Variants in PDE10A observed in about 807,000 individuals in gnomAD.
The protein encoded by PDE10A is phosphodiesterase 10A.
In PDE10A, 39 loss-of-function variants were observed where a neutral mutation model predicts 97.7. The ratio of observed to expected loss-of-function variants is 0.40; its 90% CI spans 0.31 to 0.52. The LOEUF (loss-of-function observed/expected upper bound fraction) is 0.52. Among genes scored for constraint, PDE10A ranks in the 20% least tolerant of loss-of-function variants. The pLI is 0.56. For missense variants in PDE10A, 731 were observed against 1,047.8 expected (o/e 0.70, Z 4.17); for synonymous variants, 371 against 376.8 (o/e 0.98, Z 0.18).
rs1348127525 is a variant in PDE10A, at chr6:165,819,588, C to A, written c.-615+167941G>T. ...CCTCATCCACTGCCGCGACCCCCAC[C>A]CCGAGTTGCCGGACACAGTCAGGCA... On this transcript the variant is annotated intron_variant, in intron 1 of 19. Transcript: ENST00000366882. The surrounding 1 kb of genome is among the most constrained non-coding windows in gnomAD (Gnocchi z 4.2). 6.6e-6 allele frequency among the ~76,000 whole-genome samples: 1 copy of A among 152,154 alleles called. No homozygotes were observed. The highest frequency in any genetic ancestry group is 1.5e-5 in the Non-Finnish European group (1 of 68,028).
chr6:165,558,656 CTATT>C (rs1448900887), intron 1 of PDE10A, among the ~76,000 whole-genome samples: 1 of 152,122 alleles, frequency 6.6e-6, no homozygotes, highest in African/African-American at 2.4e-5. Context: ...AAGGACATTA[CTATT>C]TATATTTCCC....
At chr6:165,724,340 A>C (rs1792238901) in intron 1 of PDE10A, among the ~76,000 whole-genome samples, 1 of 22,992 alleles carries the variant, frequency 4.3e-5, no homozygotes, top group African/African-American at 2.7e-4. Flanking sequence ...TGAGACTAAG[A>C]AGAGGATCAC....
At chr6:165,527,173 C>T (rs931277616) in intron 2 of PDE10A, among the ~76,000 whole-genome samples, 4 of 152,176 alleles carry the variant, frequency 2.6e-5, no homozygotes, top group African/African-American at 9.7e-5. Context: ...CTGCATTTGG[C>T]CCCTCCTACA....
At chr6:165,722,167 C>T (rs1051416391) in intron 1 of PDE10A, among the ~76,000 whole-genome samples, 10 of 152,200 alleles carry the variant, frequency 6.6e-5, no homozygotes, top group Admixed American at 2.0e-4. Flanking sequence ...ATAAACTTCA[C>T]GGAAATCTAT....
intron 1 of PDE10A, among the ~76,000 whole-genome samples, chr6:165,823,499 T>C (rs1479760103): frequency 1.4e-5 from 1 of 72,000 alleles, no homozygotes; most frequent in African/African-American, 4.3e-5. Flanking sequence ...TATATATATA[T>C]ATATATATAT....
chr6:165,785,609 T>C (rs371775402), intron 1 of PDE10A, among the ~76,000 whole-genome samples: 2 of 152,216 alleles, frequency 1.3e-5, no homozygotes, highest in Non-Finnish European at 2.9e-5. Flanking sequence ...CATTGTCCCA[T>C]GAAAAAATAA....
chr6:165,816,871 G>C (rs1779430715), intron 1 of PDE10A, among the ~76,000 whole-genome samples: 1 of 152,152 alleles, frequency 6.6e-6, no homozygotes, highest in African/African-American at 2.4e-5. Flanking sequence ...AAGGGGGACA[G>C]TGGAAGAGTG....
At chr6:165,636,572 G>A (rs915340178) in intron 1 of PDE10A, among the ~76,000 whole-genome samples, 6 of 152,138 alleles carry the variant, frequency 3.9e-5, no homozygotes, top group Admixed American at 3.9e-4. Context: ...ACAGGCTGAG[G>A]CCCCAACTGT....
intron 1 of PDE10A, among the ~76,000 whole-genome samples, chr6:165,716,130 C>T (rs945709203): frequency 1.1e-4 from 17 of 152,292 alleles, no homozygotes; most frequent in African/African-American, 4.1e-4. Flanking sequence ...GCTCAAACCC[C>T]GGCCCCAGCT....
intron 3 of PDE10A, among the ~76,000 whole-genome samples, chr6:165,471,179 CTATTT>C (rs1266019024): frequency 2.0e-5 from 3 of 152,090 alleles, no homozygotes; most frequent in Non-Finnish European, 2.9e-5. Flanking sequence ...GTTGATTGCT[CTATTT>C]TATTTTAAAT....
At chr6:165,345,240 A>G (rs1420544971) in intron 18 of PDE10A, among the ~76,000 whole-genome samples, 4 of 152,240 alleles carry the variant, frequency 2.6e-5, no homozygotes, top group East Asian at 3.8e-4. Flanking sequence ...TGGGCATTAT[A>G]AAACACATGA....
At chr6:165,435,899 T>G (rs545984547) in intron 5 of PDE10A, among the ~76,000 whole-genome samples, 1 of 152,326 alleles carries the variant, frequency 6.6e-6, no homozygotes, top group South Asian at 2.1e-4. Flanking sequence ...AGATTCAGAA[T>G]ACTCTAGATG....
chr6:165,398,935 T>C (rs1786408753), intron 13 of PDE10A, among the ~76,000 whole-genome samples: 1 of 152,158 alleles, frequency 6.6e-6, no homozygotes, highest in Non-Finnish European at 1.5e-5. Flanking sequence ...CTTACAAGAA[T>C]TCTACTCGAA....
intron 1 of PDE10A, among the ~76,000 whole-genome samples, chr6:165,595,103 A>G (rs949939763): frequency 6.6e-6 from 1 of 152,200 alleles, no homozygotes; most frequent in Non-Finnish European, 1.5e-5. Flanking sequence ...TGGCAATCCC[A>G]GCCATCACTG....
chr6:165,871,471 T>C (rs754173007), intron 1 of PDE10A, among the ~76,000 whole-genome samples: 10 of 151,992 alleles, frequency 6.6e-5, no homozygotes, highest in Non-Finnish European at 1.2e-4. Flanking sequence ...GGAGAGAGGA[T>C]TGCATGGAGG....
intron 1 of PDE10A, among the ~76,000 whole-genome samples, chr6:165,882,292 C>G (rs1180710736): frequency 6.6e-6 from 1 of 152,174 alleles, no homozygotes; most frequent in Non-Finnish European, 1.5e-5. Flanking sequence ...GTGTGTTCCC[C>G]AAGGACATCT....
chr6:165,353,083 T>G (rs1782803995), intron 18 of PDE10A, among the ~76,000 whole-genome samples: 1 of 152,166 alleles, frequency 6.6e-6, no homozygotes, highest in African/African-American at 2.4e-5. Flanking sequence ...AATAAGTATT[T>G]GAAAAGATGG....
At chr6:165,451,321 A>T (rs1791275461) in intron 3 of PDE10A, among the ~76,000 whole-genome samples, 1 of 152,192 alleles carries the variant, frequency 6.6e-6, no homozygotes, top group Admixed American at 6.5e-5. Flanking sequence ...TCTCTAAAGG[A>T]ATAAAAAACA....
intron 1 of PDE10A, among the ~76,000 whole-genome samples, chr6:165,822,169 C>A (rs532792350): frequency 6.6e-6 from 1 of 152,152 alleles, no homozygotes; most frequent in Non-Finnish European, 1.5e-5. Context: ...TATCCTTGTG[C>A]GAACATAACA....
Sources: allele counts gnomAD v4.1 joint callset (sites outside exome capture counted in the v4.1 genomes callset), GRCh38; gene constraint gnomAD v4.1.1; non-coding constraint Gnocchi (gnomAD v3.1); transcripts MANE v1.5; gene names NCBI Gene and HGNC (gene_info 2026-07-23, HGNC 2026-07-21).